Variants in VAV2 observed in about 807,000 individuals in gnomAD.
VAV2 encodes the protein vav guanine nucleotide exchange factor 2, also known as guanine nucleotide exchange factor VAV2.
Under a neutral mutation model 132.5 loss-of-function variants are expected in VAV2, and 67 were observed. The observed-to-expected ratio is 0.51, with a 90% CI of 0.42 to 0.62. VAV2 has a LOEUF of 0.62. VAV2 is among the 20% of genes least tolerant of loss of function. The probability of loss-of-function intolerance (pLI) is 0.00; values close to 1 mark genes in which losing one functional copy is unlikely to be tolerated. For missense variants in VAV2, 938 were observed against 1,153.6 expected, an observed-to-expected ratio of 0.81 and a Z score of 2.71; for synonymous variants, 492 against 443.5, an observed-to-expected ratio of 1.11 and a Z score of -1.37.
chr9:133,874,618 T>G (rs111946299), intron 2 of VAV2, among the ~76,000 whole-genome samples: 2,698 of 152,114 alleles, frequency 0.018, 44 homozygotes, highest in African/African-American at 0.028. Flanking sequence ...GAACAGCACC[T>G]CAAGGGCAGG....
At chr9:133,875,985 G>A (rs1838247491) in intron 2 of VAV2, among the ~76,000 whole-genome samples, 1 of 152,226 alleles carries the variant, frequency 6.6e-6, no homozygotes, top group African/African-American at 2.4e-5. Flanking sequence ...ACTGCCCAGC[G>A]GGCACAGCCA....
intron 3 of VAV2, among the ~76,000 whole-genome samples, chr9:133,837,920 C>T (rs772948039): frequency 1.3e-5 from 2 of 152,052 alleles, no homozygotes; most frequent in South Asian, 4.1e-4. Flanking sequence ...TTCTAAGATC[C>T]CTATTTGAGG....
At chr9:133,810,166 C>T (rs1835305708) in intron 6 of VAV2, 25 bp downstream of exon 6, 2 of 1,613,022 alleles carry the variant, frequency 1.2e-6, no homozygotes, top group South Asian at 2.2e-5. Flanking sequence ...AGGACGTCCC[C>T]AGCCTCCCCT....
Position 133,959,725 on chromosome 9 carries a change from GCC to G in VAV2, c.205-20508_205-20507del, listed in dbSNP as rs1418798453. Reference sequence around the variant, plus strand: ...AAGAGGCCATCCCAGGTTAGGGTGGGCCCCGAATCCAATGACCAGCATCCTCT... The same window carrying G: ...AAGAGGCCATCCCAGGTTAGGGTGGGCCGAATCCAATGACCAGCATCCTCT... On this transcript the variant is annotated intron_variant, in intron 1 of 29. Coordinates refer to ENST00000371850, the MANE Select transcript of VAV2 (RefSeq NM_001134398.2). Among the ~76,000 whole-genome samples the G allele has an allele frequency of 4.5e-3, 692 of 152,324 alleles. 8 individuals carry two copies. Among genetic ancestry groups the G allele is most frequent in the African/African-American group, 0.016 (651 of 41,578 alleles).
At chr9:133,910,330 T>C (rs1839833040) in intron 2 of VAV2, among the ~76,000 whole-genome samples, 1 of 152,158 alleles carries the variant, frequency 6.6e-6, no homozygotes, top group Admixed American at 6.5e-5. Context: ...TACTGGGGTT[T>C]TTGTTAGAAG....
intron 3 of VAV2, among the ~76,000 whole-genome samples, chr9:133,859,375 G>A (rs571929331): frequency 6.6e-6 from 1 of 152,328 alleles, no homozygotes; most frequent in East Asian, 1.9e-4. Flanking sequence ...AGGACTGTCT[G>A]CGGCAGGAGA....
intron 29 of VAV2, among the ~76,000 whole-genome samples, chr9:133,766,475 G>C (rs959848296): frequency 6.6e-6 from 1 of 152,050 alleles, no homozygotes; most frequent in African/African-American, 2.4e-5. Context: ...CCTTTGTAGG[G>C]ACATGGATGA....
chr9:133,929,241 T>TC (rs1471305039), intron 2 of VAV2, among the ~76,000 whole-genome samples: 4 of 151,980 alleles, frequency 2.6e-5, no homozygotes, highest in African/African-American at 9.7e-5. Flanking sequence ...ACCAGCAGTC[T>TC]CCCACCTGAG....
rs73662305 is a variant in VAV2 at position 133,863,241 on chromosome 9, A to G, written c.322-1809T>C. Reference sequence around the variant, plus strand: ...AGGGTTTGGCAACTACAGGGCACCCAAGCCCCCTCTCACACACCTCCTGCG... The same window carrying G: ...AGGGTTTGGCAACTACAGGGCACCCGAGCCCCCTCTCACACACCTCCTGCG... On this transcript the variant is annotated intron_variant, in intron 2 of 29. Transcript: ENST00000371850. The surrounding 1 kb of genome is among the most constrained non-coding windows in gnomAD (Gnocchi z 5.0). 0.021 allele frequency among the ~76,000 whole-genome samples: 3,200 copies of G among 152,344 alleles called. 115 individuals carry two copies. Among genetic ancestry groups the G allele is most frequent in the African/African-American group, 0.072 (2,987 of 41,582 alleles).
intron 2 of VAV2, among the ~76,000 whole-genome samples, chr9:133,886,328 G>T (rs1466632233): frequency 6.6e-6 from 1 of 152,208 alleles, no homozygotes; most frequent in Admixed American, 6.5e-5. Context: ...CCTGGAGGAG[G>T]AGTCTCAGAG....
intron 2 of VAV2, among the ~76,000 whole-genome samples, chr9:133,917,012 G>A (rs1283951957): frequency 2.0e-5 from 3 of 152,184 alleles, no homozygotes; most frequent in African/African-American, 7.2e-5. Context: ...TAATAAGGAC[G>A]AGGTTGCCAC....
chr9:133,979,775 C>A (rs1372911171), intron 1 of VAV2, among the ~76,000 whole-genome samples: 1 of 152,236 alleles, frequency 6.6e-6, no homozygotes, highest in Non-Finnish European at 1.5e-5. Context: ...TCAGCTGAAA[C>A]GGCATTCGGG....
At chr9:133,844,143 A>G (rs1474549774) in intron 3 of VAV2, among the ~76,000 whole-genome samples, 2 of 152,142 alleles carry the variant, frequency 1.3e-5, no homozygotes, top group Admixed American at 1.3e-4. Context: ...TGCCCCCTCT[A>G]CTTTGTCTGG....
chr9:133,875,823 C>T (rs1200615954), intron 2 of VAV2, among the ~76,000 whole-genome samples: 1 of 152,250 alleles, frequency 6.6e-6, no homozygotes, highest in Admixed American at 6.5e-5. Flanking sequence ...GCAGGTAGGA[C>T]ATTACCTCCG....
rs1341585480 is a variant in VAV2, at chr9:133,834,176, T to C, written c.449+96A>G. The C allele has an allele frequency of 2.1e-6, 3 of 1,411,204 alleles. No homozygotes were observed. The highest frequency in any genetic ancestry group is 2.9e-6 in the Non-Finnish European group (3 of 1,030,542). 87.4% of individuals were successfully genotyped at this position (1,411,204 alleles called of 1,614,324 possible). Reference sequence around the variant, plus strand: ...GGGCCAGGGCCAGCTCTGCCTGCACTGTGGCCGCCATGTTTCCTCCTGACT... The same window carrying C: ...GGGCCAGGGCCAGCTCTGCCTGCACCGTGGCCGCCATGTTTCCTCCTGACT... On this transcript the variant is annotated intron_variant, in intron 4 of 29. Transcript: ENST00000371850. This position sits in a 1 kb window ranked among gnomAD's most constrained non-coding sequence, Gnocchi z 5.9.
rs187404672 is a variant in VAV2 at position 133,981,118 on chromosome 9, G to A, written c.204+10957C>T. ...AGGCCCTGGGGAGAAGCAGGAGACG[G>A]GGTGAGGCCCCTTCTTCAGCGTCCC... On this transcript the variant is annotated intron_variant, in intron 1 of 29. Coordinates refer to ENST00000371850, the MANE Select transcript of VAV2 (RefSeq NM_001134398.2). Among the ~76,000 whole-genome samples the A allele has an allele frequency of 3.2e-3, 485 of 152,310 alleles. 3 individuals carry two copies. The highest frequency in any genetic ancestry group is 5.8e-3 in the Non-Finnish European group (396 of 68,028).
At chr9:133,775,892 C>T (rs1280760133) in intron 24 of VAV2, 136 bp downstream of exon 24, 7 of 1,214,912 alleles carry the variant, frequency 5.8e-6, no homozygotes, top group Middle Eastern at 2.8e-4. Context: ...GGGCTCAGTG[C>T]CCTGGAGATG....
At chr9:133,766,759 A>ATATATATATATATATATAT (rs1833447141) in intron 29 of VAV2, among the ~76,000 whole-genome samples, 1 of 112,110 alleles carries the variant, frequency 8.9e-6, no homozygotes, top group African/African-American at 3.6e-5. Flanking sequence ...AGTATAAATA[A>ATATATATATATATATATAT]ATATATATAT....
intron 1 of VAV2, among the ~76,000 whole-genome samples, chr9:133,941,863 C>G (rs966669747): frequency 1.3e-5 from 2 of 152,190 alleles, no homozygotes; most frequent in Non-Finnish European, 2.9e-5. Context: ...CTCAGCCTCC[C>G]AAAGTGCTGG....
Sources: gnomAD v4.1 joint callset for allele counts (sites outside exome capture counted in the v4.1 genomes callset) on GRCh38, gnomAD v4.1.1 for gene constraint, Gnocchi (gnomAD v3.1) non-coding constraint, MANE v1.5 for transcripts, NCBI Gene and HGNC (gene_info 2026-07-23, HGNC 2026-07-21) for gene names.